ST8SIA6: variants seen among roughly 807,000 people sequenced by gnomAD.
The protein encoded by ST8SIA6 is ST8 alpha-N-acetyl-neuraminide alpha-2,8-sialyltransferase 6, also known as alpha-2,8-sialyltransferase 8F.
A neutral mutation model predicts 33.6 loss-of-function variants in ST8SIA6; 39 were observed. The ratio of observed to expected loss-of-function variants is 1.16; its 90% CI spans 0.90 to 1.52. ST8SIA6 has a LOEUF of 1.52. Among genes scored for constraint, ST8SIA6 ranks in the 40% most tolerant of loss-of-function variants. The pLI, the probability that ST8SIA6 is intolerant of heterozygous loss-of-function variation, is 0.00. For missense variants in ST8SIA6, 441 were observed against 443.8 expected, an observed-to-expected ratio of 0.99 and a Z score of 0.06; for synonymous variants, 172 against 167.2, an observed-to-expected ratio of 1.03 and a Z score of -0.22.
intron 2 of ST8SIA6, among the ~76,000 whole-genome samples, chr10:17,453,177 A>G (rs1852977607): frequency 6.6e-6 from 1 of 150,652 alleles, no homozygotes; most frequent in Non-Finnish European, 1.5e-5. Context: ...CCTTTAAAGC[A>G]TAGAAAAGAA....
Position 17,407,790 on chromosome 10 carries a change from C to A in ST8SIA6, c.201-17170G>T, listed in dbSNP as rs77918748. Among the ~76,000 whole-genome samples the A allele has an allele frequency of 1.1e-4, 17 of 152,288 alleles. No individual in the cohort carries two copies. The East Asian group carries it at 3.1e-3, about 28-fold the overall frequency. Reference sequence around the variant, plus strand: ...TCTTAAAAGTCTCCTGGATCAAGTTCTTCTGCCCTGACCGTCTTTTTCATA... The same window carrying A: ...TCTTAAAAGTCTCCTGGATCAAGTTATTCTGCCCTGACCGTCTTTTTCATA... On this transcript the variant is annotated intron_variant, in intron 2 of 7. Coordinates refer to ENST00000377602, the MANE Select transcript of ST8SIA6 (RefSeq NM_001004470.3).
intron 2 of ST8SIA6, among the ~76,000 whole-genome samples, chr10:17,391,016 G>A (rs1850583807): frequency 6.6e-6 from 1 of 151,554 alleles, no homozygotes; most frequent in South Asian, 2.1e-4. Context: ...CTGCCATCAC[G>A]CCCAGCTAAT....
At chr10:17,321,521 T>C (rs1160425977) in intron 7 of ST8SIA6, among the ~76,000 whole-genome samples, 175 bp from the exon 8 acceptor site, 1 of 152,180 alleles carries the variant, frequency 6.6e-6, no homozygotes, top group African/African-American at 2.4e-5. Context: ...ATAATGTCAA[T>C]ATCAACAGCT....
chr10:17,390,724 G>T, intron 2 of ST8SIA6, 104 bp from the exon 3 acceptor site: 1 of 856,764 alleles, frequency 1.2e-6, no homozygotes, highest in Admixed American at 2.4e-5. Context: ...TCCAAATGAA[G>T]TCTCATCTTT....
intron 3 of ST8SIA6, among the ~76,000 whole-genome samples, chr10:17,377,921 C>G (rs10752082): frequency 0.19 from 28,914 of 152,092 alleles, 3,147 homozygotes; most frequent in East Asian, 0.51. Flanking sequence ...ACACACAACC[C>G]CTGACCATAG....
At chr10:17,398,329 GGAAAAAAAAAAAAA>G (rs1850900598) in intron 2 of ST8SIA6, among the ~76,000 whole-genome samples, 2 of 147,532 alleles carry the variant, frequency 1.4e-5, no homozygotes, top group Non-Finnish European at 3.0e-5. Context: ...TCCATCTTAA[GGAAAAAAAAAAAAA>G]ATTAAGACTC....
At chr10:17,427,727 G>T (rs1160821693) in intron 2 of ST8SIA6, among the ~76,000 whole-genome samples, 1 of 152,230 alleles carries the variant, frequency 6.6e-6, no homozygotes, top group Non-Finnish European at 1.5e-5. Context: ...AGTATGACAA[G>T]GGGTTTCCAA....
chr10:17,331,672 T>A, intron 4 of ST8SIA6, 120 bp from the exon 5 acceptor site: 2 of 1,022,766 alleles, frequency 2.0e-6, no homozygotes, highest in Non-Finnish European at 1.3e-6. Context: ...AGAAGATAAT[T>A]ATTCACAAAG....
chr10:17,405,599 A>T (rs1159138828), intron 2 of ST8SIA6, among the ~76,000 whole-genome samples: 3 of 149,612 alleles, frequency 2.0e-5, no homozygotes, highest in Non-Finnish European at 4.4e-5. Flanking sequence ...TAAGAAAGTT[A>T]TTGGCTGGAT....
intron 2 of ST8SIA6, among the ~76,000 whole-genome samples, chr10:17,417,428 C>G (rs888697533): frequency 1.2e-4 from 19 of 152,226 alleles, no homozygotes; most frequent in Admixed American, 6.5e-5. Context: ...CTTGAGCGTT[C>G]CTGTTAGTGC....
chr10:17,394,704 C>T (rs757986713), intron 2 of ST8SIA6, among the ~76,000 whole-genome samples: 1 of 152,138 alleles, frequency 6.6e-6, no homozygotes, highest in African/African-American at 2.4e-5. Context: ...GAGACCTTCT[C>T]AATTCTGGGA....
At chr10:17,428,981 C>T (rs1852019450) in intron 2 of ST8SIA6, among the ~76,000 whole-genome samples, 1 of 152,068 alleles carries the variant, frequency 6.6e-6, no homozygotes, top group South Asian at 2.1e-4. Context: ...CTGAGCTGCA[C>T]CGCCACACCC....
chr10:17,361,576 T>A (rs912306758), intron 3 of ST8SIA6, among the ~76,000 whole-genome samples: 3 of 150,956 alleles, frequency 2.0e-5, no homozygotes, highest in African/African-American at 7.3e-5. Flanking sequence ...CACTGGAGAA[T>A]TTTATCAAAC....
intron 4 of ST8SIA6, among the ~76,000 whole-genome samples, chr10:17,358,038 A>G (rs901514242): frequency 6.6e-6 from 1 of 152,204 alleles, no homozygotes; most frequent in African/African-American, 2.4e-5. Flanking sequence ...TGAATTTGGC[A>G]TAAAACGTCC....
intron 2 of ST8SIA6, among the ~76,000 whole-genome samples, chr10:17,452,258 G>T (rs1030120994): frequency 2.6e-5 from 4 of 152,168 alleles, no homozygotes; most frequent in Non-Finnish European, 5.9e-5. Flanking sequence ...GGCAGGCAGT[G>T]GTGTTCCTCA....
chr10:17,453,604 C>T lies in ST8SIA6; in HGVS notation c.155G>A (p.Arg52Lys), dbSNP rs1329080213. ...CGCGGTCGCCGGGCTCCGGAGCGTC[C>T]TCAGCGCTGCGGGGGTGCCGTGGGT... The part of the protein sequence containing the change: ...EATHGTPAAL[R>K]TLRSPATAVP... Residue 52 changes from arginine (R) to lysine (K), a missense_variant, in exon 2 of 8, where the codon AGG becomes AAG. Arg to Lys is a conservative substitution (Grantham distance 26). Transcript: ENST00000377602. 3.0e-6 allele frequency: 4 copies of T among 1,332,690 alleles called. No homozygotes were observed. The highest frequency in any genetic ancestry group is 1.5e-5 in the African/African-American group (1 of 66,704). The allele number at this position is 1,332,690 out of a possible 1,614,324, so 82.6% of individuals were successfully genotyped here. A position where few individuals can be genotyped will look rare whatever the true frequency, so the allele number is the denominator to read the frequency against.
At chr10:17,425,975 C>A (rs1172133231) in intron 2 of ST8SIA6, among the ~76,000 whole-genome samples, 2 of 152,194 alleles carry the variant, frequency 1.3e-5, no homozygotes, top group African/African-American at 4.8e-5. Flanking sequence ...CTAGCCAAGC[C>A]ATCCTCCTTA....
At chr10:17,443,178 C>G (rs552495744) in intron 2 of ST8SIA6, among the ~76,000 whole-genome samples, 1 of 152,188 alleles carries the variant, frequency 6.6e-6, no homozygotes, top group African/African-American at 2.4e-5. Flanking sequence ...TATAGGTGTC[C>G]TCCTGAAATA....
intron 2 of ST8SIA6, among the ~76,000 whole-genome samples, chr10:17,422,014 TTTTA>T (rs1406975767): frequency 3.1e-4 from 47 of 151,850 alleles, no homozygotes; most frequent in African/African-American, 7.5e-4. Context: ...ATACTATAGA[TTTTA>T]TTTATTATAA....
Sources: allele counts gnomAD v4.1 joint callset (sites outside exome capture counted in the v4.1 genomes callset), GRCh38; gene constraint gnomAD v4.1.1; transcripts MANE v1.5; gene names NCBI Gene and HGNC (gene_info 2026-07-23, HGNC 2026-07-21).